The following SEZ6L variants were observed in gnomAD, a reference collection of about 807,000 sequenced individuals.
The protein encoded by SEZ6L is seizure 6-like protein.
Under a neutral mutation model 106.2 loss-of-function variants are expected in SEZ6L, and 37 were observed. That is an observed-to-expected ratio of 0.35 (90% CI 0.27 to 0.46). SEZ6L has a LOEUF of 0.46. SEZ6L is among the 20% of genes least tolerant of loss of function. The probability of loss-of-function intolerance (pLI) is 1.00; values close to 1 mark genes in which losing one functional copy is unlikely to be tolerated. For synonymous variants in SEZ6L, 541 were observed against 570.4 expected (o/e 0.95, Z 0.73); for missense variants, 1,172 against 1,332.8 (o/e 0.88, Z 1.88).
intron 1 of SEZ6L, among the ~76,000 whole-genome samples, chr22:26,214,724 G>A (rs2078251801): frequency 1.3e-5 from 2 of 152,172 alleles, no homozygotes; most frequent in Non-Finnish European, 2.9e-5. Flanking sequence ...AGGGGAGGAA[G>A]AAAAGAGTGG....
chr22:26,345,223 G>A (rs916671936), intron 10 of SEZ6L, among the ~76,000 whole-genome samples: 8 of 152,342 alleles, frequency 5.3e-5, no homozygotes, highest in African/African-American at 1.9e-4. Flanking sequence ...TGGGGTACAG[G>A]CCCTGGGATC....
intron 1 of SEZ6L, among the ~76,000 whole-genome samples, chr22:26,230,132 C>G (rs1282294775): frequency 6.6e-6 from 1 of 152,158 alleles, no homozygotes; most frequent in Non-Finnish European, 1.5e-5. Context: ...AGGCATCCCT[C>G]CAGCTCAGCT....
At chr22:26,338,855 CT>C (rs758792495) in intron 9 of SEZ6L, among the ~76,000 whole-genome samples, 2,279 of 93,076 alleles carry the variant, frequency 0.024, 99 homozygotes, top group African/African-American at 0.042. Context: ...CACGCCCGGA[CT>C]TTTTTTTTTT....
At chr22:26,246,076 C>T (rs1199136000) in intron 1 of SEZ6L, among the ~76,000 whole-genome samples, 1 of 152,148 alleles carries the variant, frequency 6.6e-6, no homozygotes, top group Non-Finnish European at 1.5e-5. Flanking sequence ...GACAGGATTG[C>T]TTGTGGGTGT....
intron 12 of SEZ6L, among the ~76,000 whole-genome samples, chr22:26,363,707 A>G (rs1295712169): frequency 6.6e-6 from 1 of 152,228 alleles, no homozygotes; most frequent in African/African-American, 2.4e-5. Context: ...ATAGCTTAAC[A>G]TGTACACCCA....
At position 26,277,105 on chromosome 22, in the gene SEZ6L, C is replaced by CTTT. The variant is rs137189; in HGVS notation, c.95-15288_95-15286dup. Among the ~76,000 whole-genome samples the CTTT allele has an allele frequency of 7.7e-4, 111 of 143,414 alleles. 1 individual carries two copies. Among genetic ancestry groups the CTTT allele is most frequent in the Non-Finnish European group, 1.0e-3 (69 of 65,826 alleles). The allele number at this position is 143,414 out of a possible 152,430, so 94.1% of individuals were successfully genotyped here. A position where few individuals can be genotyped will look rare whatever the true frequency, so the allele number is the denominator to read the frequency against. On this transcript the variant is annotated intron_variant, in intron 1 of 16. Coordinates refer to ENST00000248933, the MANE Select transcript of SEZ6L (RefSeq NM_021115.5). ...TACTCTTGTAGCCGAAACACTGAGT[C>CTTT]TTTTTTTTTTTTTTTAATATAGCCT...
chr22:26,353,393 C>T (rs1376146914), intron 12 of SEZ6L, among the ~76,000 whole-genome samples: 1 of 152,144 alleles, frequency 6.6e-6, no homozygotes, highest in Non-Finnish European at 1.5e-5. Context: ...ACTAAGGAAA[C>T]TGATATTCAG....
At chr22:26,278,253 T>C (rs1057465232) in intron 1 of SEZ6L, among the ~76,000 whole-genome samples, 5 of 152,214 alleles carry the variant, frequency 3.3e-5, no homozygotes, top group African/African-American at 1.2e-4. Context: ...ACAGTTGCTC[T>C]GGGAATAATA....
chr22:26,172,486 T>G (rs535266964), intron 1 of SEZ6L, among the ~76,000 whole-genome samples: 50 of 151,650 alleles, frequency 3.3e-4, no homozygotes, highest in African/African-American at 1.2e-3. Flanking sequence ...TACAAGTCCA[T>G]TCCTGCAAGC....
chr22:26,345,561 C>T (rs2082980203), intron 10 of SEZ6L, among the ~76,000 whole-genome samples: 1 of 152,148 alleles, frequency 6.6e-6, no homozygotes, highest in Admixed American at 6.6e-5. Flanking sequence ...TTTTCAGAGG[C>T]CTAAAAATAG....
chr22:26,228,495 G>T (rs1486352327), intron 1 of SEZ6L, among the ~76,000 whole-genome samples: 4 of 152,166 alleles, frequency 2.6e-5, no homozygotes, highest in African/African-American at 9.7e-5. Flanking sequence ...CCAGCATGGT[G>T]CTGGGCAATG....
At chr22:26,369,365 A>C (rs1369680666) in intron 13 of SEZ6L, among the ~76,000 whole-genome samples, 1 of 39,192 alleles carries the variant, frequency 2.6e-5, no homozygotes, top group African/African-American at 1.3e-4. Context: ...TTTGAGACAG[A>C]TTCTCGCTCT....
chr22:26,213,445 A>G (rs947184611), intron 1 of SEZ6L, among the ~76,000 whole-genome samples: 2 of 152,208 alleles, frequency 1.3e-5, no homozygotes, highest in African/African-American at 4.8e-5. Context: ...GGAAGCTGTC[A>G]TAACACATGC....
intron 12 of SEZ6L, among the ~76,000 whole-genome samples, chr22:26,364,542 G>A (rs763328922): frequency 6.6e-6 from 1 of 152,072 alleles, no homozygotes; most frequent in Non-Finnish European, 1.5e-5. Flanking sequence ...GCAGTGAGCC[G>A]TGCTGCACCA....
chr22:26,259,819 A>G (rs1240973093), intron 1 of SEZ6L, among the ~76,000 whole-genome samples: 3 of 152,180 alleles, frequency 2.0e-5, no homozygotes, highest in Non-Finnish European at 4.4e-5. Flanking sequence ...CACAGCTCAT[A>G]ATTTCTCCTA....
At chr22:26,184,882 G>A (rs1302212868) in intron 1 of SEZ6L, among the ~76,000 whole-genome samples, 5 of 152,136 alleles carry the variant, frequency 3.3e-5, no homozygotes, top group Admixed American at 2.6e-4. Flanking sequence ...TCAGGAGTTC[G>A]AGACCAGCCT....
At chr22:26,307,979 C>A (rs559295748) in intron 6 of SEZ6L, among the ~76,000 whole-genome samples, 16 of 152,222 alleles carry the variant, frequency 1.1e-4, no homozygotes, top group Admixed American at 3.3e-4. Flanking sequence ...CAGGAAAAAA[C>A]CAGCTTTCAA....
intron 2 of SEZ6L, among the ~76,000 whole-genome samples, chr22:26,293,912 T>A (rs2081216873): frequency 6.6e-6 from 1 of 152,190 alleles, no homozygotes; most frequent in South Asian, 2.1e-4. Context: ...TTTGGACAAG[T>A]GCAATGTGGC....
intron 1 of SEZ6L, among the ~76,000 whole-genome samples, chr22:26,214,375 G>A (rs990239143): frequency 6.6e-6 from 1 of 152,090 alleles, no homozygotes; most frequent in Non-Finnish European, 1.5e-5. Flanking sequence ...CCCGGCACAC[G>A]GAAAAGAACC....
Sources: allele counts gnomAD v4.1 joint callset (sites outside exome capture counted in the v4.1 genomes callset), GRCh38; gene constraint gnomAD v4.1.1; transcripts MANE v1.5; gene names NCBI Gene and HGNC (gene_info 2026-07-23, HGNC 2026-07-21).